FNBP4: variants seen among roughly 807,000 people sequenced by gnomAD.
The protein encoded by FNBP4 is formin-binding protein 4.
Under a neutral mutation model 119.3 loss-of-function variants are expected in FNBP4, and 34 were observed. The observed-to-expected ratio is 0.28, with a 90% CI of 0.22 to 0.38. The LOEUF (loss-of-function observed/expected upper bound fraction) is 0.38, where lower values mean the gene tolerates loss of function less well. Ranked by LOEUF, FNBP4 falls within the 10% of genes least tolerant of loss-of-function variation. FNBP4 has a pLI of 1.00. For synonymous variants in FNBP4, 462 were observed against 430.6 expected (o/e 1.07, Z -0.90); for missense variants, 1,112 against 1,228.9 (o/e 0.90, Z 1.42).
At chr11:47,747,321 C>T (rs1300899344) in intron 6 of FNBP4, among the ~76,000 whole-genome samples, 1 of 152,214 alleles carries the variant, frequency 6.6e-6, no homozygotes, top group Non-Finnish European at 1.5e-5. Flanking sequence ...TTCCCTGCCT[C>T]AGCCTCCTGA....
chr11:47,744,877 A>C (rs2097587353), intron 7 of FNBP4, among the ~76,000 whole-genome samples: 1 of 152,166 alleles, frequency 6.6e-6, no homozygotes, highest in African/African-American at 2.4e-5. Context: ...AGTAATGTCA[A>C]GTCTCTTTAT....
chr11:47,720,156 G>A (rs1305835075), intron 15 of FNBP4, 70 bp from the exon 16 acceptor site: 20 of 1,422,896 alleles, frequency 1.4e-5, no homozygotes, highest in Non-Finnish European at 1.8e-5. Flanking sequence ...CTACAATGGA[G>A]GTCAGGATCC....
At chr11:47,747,044 A>AT (rs557745592) in intron 6 of FNBP4, among the ~76,000 whole-genome samples, 79 of 148,688 alleles carry the variant, frequency 5.3e-4, no homozygotes, top group African/African-American at 1.6e-3. Flanking sequence ...ATGATGAGAA[A>AT]TTTTTTTTTT....
chr11:47,729,070 T>C lies in FNBP4; in HGVS notation c.2008+2304A>G, dbSNP rs1034605420. 5.0e-5 allele frequency: 35 copies of C among 703,378 alleles called. No individual in the cohort carries two copies. In the African/African-American group the frequency reaches 6.2e-4, roughly 12 times the overall value. 43.6% of individuals were successfully genotyped at this position (703,378 alleles called of 1,614,324 possible). On this transcript the variant is annotated intron_variant, in intron 12 of 16. Coordinates refer to ENST00000263773, the MANE Select transcript of FNBP4 (RefSeq NM_015308.5). Reference sequence around the variant, plus strand: ...TTTCACCATGTTGCCCAGGCTGGTCTTGAACTCTTGACCTCAGGTGATCCA... The same window carrying C: ...TTTCACCATGTTGCCCAGGCTGGTCCTGAACTCTTGACCTCAGGTGATCCA...
chr11:47,723,401 C>G, intron 14 of FNBP4, 85 bp from the exon 15 acceptor site: 2 of 1,506,562 alleles, frequency 1.3e-6, no homozygotes, highest in Non-Finnish European at 1.8e-6. Context: ...GGGATTAGAT[C>G]ACATAGAAAA....
intron 15 of FNBP4, among the ~76,000 whole-genome samples, chr11:47,722,587 T>C (rs1250207631): frequency 6.6e-6 from 1 of 151,526 alleles, no homozygotes; most frequent in Non-Finnish European, 1.5e-5. Context: ...GCTGGACATT[T>C]CAATTTCTTT....
intron 8 of FNBP4, among the ~76,000 whole-genome samples, chr11:47,737,040 A>G (rs2097575187): frequency 6.6e-6 from 1 of 152,102 alleles, no homozygotes; most frequent in Admixed American, 6.6e-5. Context: ...CGTCTCTACT[A>G]AAAATACAAA....
chr11:47,750,953 T>C lies in FNBP4; in HGVS notation c.869A>G (p.Lys290Arg). The C allele has an allele frequency of 6.2e-7, 1 of 1,614,056 alleles. No homozygotes were observed. Residue 290 changes from lysine to arginine, a missense_variant, in exon 6 of 17, where the codon AAA becomes AGA. Around this residue, in one of 2 missense-constraint regions of FNBP4, gnomAD observed 826 missense variants for 988.8 expected, o/e 0.84. Coordinates refer to ENST00000263773, the MANE Select transcript of FNBP4 (RefSeq NM_015308.5). Reference sequence around the variant, plus strand: ...TCGCTTGGCTATGACTGGTCCACTTTTACTACTGGAAACAGAAATCGTTTT... The same window carrying C: ...TCGCTTGGCTATGACTGGTCCACTTCTACTACTGGAAACAGAAATCGTTTT... The part of the protein sequence containing the change: ...KEKTISVSSS[K>R]SGPVIAKREV...
intron 2 of FNBP4, among the ~76,000 whole-genome samples, chr11:47,760,945 A>G (rs2097632961): frequency 6.6e-6 from 1 of 152,168 alleles, no homozygotes; most frequent in African/African-American, 2.4e-5. Context: ...CATCTTTGAG[A>G]CTATAATACC....
At position 47,767,237 on chromosome 11, in the gene FNBP4, A is replaced by G; in HGVS notation, c.52T>C (p.Ser18Pro). 3.2e-6 allele frequency: 5 copies of G among 1,568,962 alleles called. No homozygotes were observed. The highest frequency in any genetic ancestry group is 4.3e-6 in the Non-Finnish European group (5 of 1,164,816). ...GTGCTGCCCCGAGGACCCGGCGGAG[A>G]GAGTTGCAGGATGGGCCTACGGCCG... is the stretch of plus-strand genomic sequence containing the variant. ...VPGRRPILQLSPPGPRGSTPG... is the reference protein window; with the variant it reads ...VPGRRPILQLPPPGPRGSTPG... Residue 18 changes from serine (S) to proline (P), a missense_variant, in exon 1 of 17, where the codon TCT becomes CCT. This residue lies in a region of FNBP4 where 286 missense variants were observed against 240.1 expected (regional missense o/e 1.19). Coordinates refer to ENST00000263773, the MANE Select transcript of FNBP4 (RefSeq NM_015308.5).
chr11:47,741,999 A>G (rs532265547), intron 8 of FNBP4, among the ~76,000 whole-genome samples: 3 of 152,292 alleles, frequency 2.0e-5, no homozygotes, highest in Admixed American at 2.0e-4. Context: ...TACACCACTC[A>G]GTTTTAACCA....
intron 12 of FNBP4, chr11:47,729,514 C>A (rs2097565027): frequency 1.0e-6 from 1 of 985,066 alleles, no homozygotes; most frequent in South Asian, 4.7e-5. Flanking sequence ...CCCCTTCCCC[C>A]ACTTTATTTT....
intron 6 of FNBP4, among the ~76,000 whole-genome samples, chr11:47,750,285 A>G (rs1371003004): frequency 6.7e-6 from 1 of 149,724 alleles, no homozygotes; most frequent in Admixed American, 6.8e-5. Flanking sequence ...AGGCTGAGGC[A>G]GGAGAATCAC....
chr11:47,722,887 A>G (rs942006253), intron 15 of FNBP4, 89 bp downstream of exon 15: 60 of 1,383,714 alleles, frequency 4.3e-5, no homozygotes, highest in African/African-American at 7.3e-5. Context: ...CACAGTGCCC[A>G]GCCTGAAAAT....
At chr11:47,730,755 T>A (rs1488339702) in intron 12 of FNBP4, among the ~76,000 whole-genome samples, 1 of 152,198 alleles carries the variant, frequency 6.6e-6, no homozygotes, top group Non-Finnish European at 1.5e-5. Context: ...AAGCCTATCT[T>A]TTAAAAAATG....
intron 7 of FNBP4, among the ~76,000 whole-genome samples, chr11:47,745,604 A>G (rs1174398981): frequency 6.6e-6 from 1 of 152,046 alleles, no homozygotes; most frequent in African/African-American, 2.4e-5. Context: ...ATAGACCCTT[A>G]TCAGTACCTT....
rs2097591790 is a variant in FNBP4, at chr11:47,747,030, CTGTATGA to C, written c.907-643_907-637del. Among the ~76,000 whole-genome samples, 3 of 152,092 alleles carry C rather than the reference CTGTATGA, an allele frequency of 2.0e-5. No homozygotes were observed. The South Asian group carries it at 6.2e-4, about 32-fold the overall frequency. On this transcript the variant is annotated intron_variant, in intron 6 of 16. Transcript: ENST00000263773. ...TGACTGGATAAATCTTTACCTTCTT[CTGTATGA>C]TGAGAAATTTTTTTTTTTGAGAGAG... is the stretch of plus-strand genomic sequence containing the variant.
chr11:47,759,108 C>T (rs1279801192), intron 2 of FNBP4, among the ~76,000 whole-genome samples: 6 of 151,694 alleles, frequency 4.0e-5, no homozygotes, highest in East Asian at 3.9e-4. Context: ...TTAGTAGAGA[C>T]GGGGTTTCAC....
chr11:47,733,248 T>C (rs956453402), intron 10 of FNBP4, among the ~76,000 whole-genome samples: 2 of 152,204 alleles, frequency 1.3e-5, no homozygotes, highest in Admixed American at 1.3e-4. Flanking sequence ...TTGGACTTAT[T>C]AAGATTGGTT....
Sources: allele counts gnomAD v4.1 joint callset (sites outside exome capture counted in the v4.1 genomes callset), GRCh38; gene constraint gnomAD v4.1.1; regional missense constraint gnomAD v4.1.1; transcripts MANE v1.5; gene names NCBI Gene and HGNC (gene_info 2026-07-23, HGNC 2026-07-21).